MTX2: variants seen among roughly 807,000 people sequenced by gnomAD.
The protein encoded by MTX2 is metaxin 2.
A neutral mutation model predicts 42.3 loss-of-function variants in MTX2; 35 were observed. The ratio of observed to expected loss-of-function variants is 0.83; its 90% CI spans 0.63 to 1.10. The LOEUF (loss-of-function observed/expected upper bound fraction) is 1.10, where lower values mean the gene tolerates loss of function less well. MTX2 is among the 50% of genes least tolerant of loss of function. MTX2 has a pLI of 0.00. For synonymous variants in MTX2, 119 were observed against 100.9 expected (o/e 1.18, Z -1.08); for missense variants, 307 against 304.1 (o/e 1.01, Z -0.07).
intron 3 of MTX2, among the ~76,000 whole-genome samples, chr2:176,322,973 T>C (rs1684620163): frequency 6.6e-6 from 1 of 151,840 alleles, no homozygotes; most frequent in Admixed American, 6.6e-5. Flanking sequence ...TTTTGAGTTT[T>C]CCTCTAAAAT....
chr2:176,294,364 A>G (rs1320284864), intron 1 of MTX2, among the ~76,000 whole-genome samples: 1 of 148,560 alleles, frequency 6.7e-6, no homozygotes, highest in Non-Finnish European at 1.5e-5. Context: ...GGCTCACAGC[A>G]ACCTCTGCCT....
At chr2:176,312,306 T>C (rs1433387669) in intron 3 of MTX2, among the ~76,000 whole-genome samples, 1 of 152,112 alleles carries the variant, frequency 6.6e-6, no homozygotes, top group Non-Finnish European at 1.5e-5. Flanking sequence ...AAGCAAATGT[T>C]TATTGAGACT....
chr2:176,283,591 T>G (rs1575034567), intron 1 of MTX2, among the ~76,000 whole-genome samples: 1 of 151,930 alleles, frequency 6.6e-6, no homozygotes, highest in African/African-American at 2.4e-5. Flanking sequence ...AGGAATAGAG[T>G]TTTTTGGTTA....
Position 176,273,823 on chromosome 2 carries a change from C to T in MTX2, c.40+4154C>T, listed in dbSNP as rs529572957. Among the ~76,000 whole-genome samples, 4 of 152,104 alleles carry T rather than the reference C, an allele frequency of 2.6e-5. No homozygotes were observed. In the South Asian group the frequency reaches 8.3e-4, roughly 32 times the overall value. ...CATAGTAGTCTCTGAATTGATTTCTCTGCTTCCAGTCTGGCTTCCTTCCAG... is the reference window on the plus strand; with the variant it reads ...CATAGTAGTCTCTGAATTGATTTCTTTGCTTCCAGTCTGGCTTCCTTCCAG... On this transcript the variant is annotated intron_variant, in intron 1 of 9. Coordinates refer to ENST00000249442, the MANE Select transcript of MTX2 (RefSeq NM_006554.5).
intron 1 of MTX2, among the ~76,000 whole-genome samples, chr2:176,287,897 C>CT (rs35080426): frequency 0.031 from 4,317 of 140,204 alleles, 69 homozygotes; most frequent in Non-Finnish European, 0.036. Flanking sequence ...ATACTGACTG[C>CT]TTTTTTTTTT....
chr2:176,322,302 A>G (rs1257549629), intron 3 of MTX2, among the ~76,000 whole-genome samples: 3 of 152,274 alleles, frequency 2.0e-5, no homozygotes, highest in East Asian at 3.9e-4. Context: ...AGGAATTATA[A>G]TAAACCTATG....
chr2:176,331,723 A>G (rs1684868967), intron 9 of MTX2, among the ~76,000 whole-genome samples: 1 of 151,172 alleles, frequency 6.6e-6, no homozygotes, highest in Non-Finnish European at 1.5e-5. Flanking sequence ...GTTTCTAGTG[A>G]TGTTTGCTCT....
At chr2:176,290,091 A>G (rs544766707) in intron 1 of MTX2, among the ~76,000 whole-genome samples, 21 of 152,276 alleles carry the variant, frequency 1.4e-4, no homozygotes, top group African/African-American at 4.8e-4. Context: ...GCTTAGTCCT[A>G]AAAGCCTTTT....
intron 1 of MTX2, chr2:176,270,092 A>G (rs564043613): frequency 6.8e-5 from 21 of 309,398 alleles, no homozygotes; most frequent in East Asian, 5.2e-4. Context: ...GTTGTTACCT[A>G]TTGTTGAGGG....
chr2:176,294,278 CTTTTTTTTTT>C (rs750682515), intron 1 of MTX2, among the ~76,000 whole-genome samples: 1 of 125,320 alleles, frequency 8.0e-6, no homozygotes, highest in Non-Finnish European at 1.7e-5. Flanking sequence ...GATGAATTAA[CTTTTTTTTTT>C]TTTTTTTTTT....
intron 1 of MTX2, among the ~76,000 whole-genome samples, chr2:176,272,740 A>G (rs1216693172): frequency 6.6e-6 from 1 of 152,150 alleles, no homozygotes; most frequent in African/African-American, 2.4e-5. Context: ...AGAATATTCA[A>G]CTAATTGTAA....
chr2:176,331,480 G>A (rs781697040), intron 9 of MTX2, among the ~76,000 whole-genome samples: 22 of 150,964 alleles, frequency 1.5e-4, no homozygotes, highest in African/African-American at 2.4e-4. Flanking sequence ...ATCGTCATAA[G>A]CATTCCTCTT....
At chr2:176,336,743 A>G (rs537140605) in intron 9 of MTX2, among the ~76,000 whole-genome samples, 2 of 152,068 alleles carry the variant, frequency 1.3e-5, no homozygotes, top group South Asian at 2.1e-4. Flanking sequence ...AGCAAATCAT[A>G]TTTTTTTTCC....
At chr2:176,333,723 C>T (rs1278234648) in intron 9 of MTX2, among the ~76,000 whole-genome samples, 1 of 151,580 alleles carries the variant, frequency 6.6e-6, no homozygotes, top group East Asian at 1.9e-4. Flanking sequence ...TATATTTTTA[C>T]TTACCTTTTC....
chr2:176,317,193 G>A (rs1222197714), intron 3 of MTX2, among the ~76,000 whole-genome samples: 5 of 151,754 alleles, frequency 3.3e-5, no homozygotes, highest in East Asian at 1.9e-4. Context: ...TGTACCAGGC[G>A]CATAACTTCT....
chr2:176,337,773 C>A lies in MTX2; in HGVS notation c.*109C>A. 1.0e-6 allele frequency: 1 copy of A among 958,664 alleles called. No individual in the cohort carries two copies. The highest frequency in any genetic ancestry group is 1.5e-6 in the Non-Finnish European group (1 of 654,056). The allele number at this position is 958,664 out of a possible 1,614,324, so 59.4% of individuals were successfully genotyped here. Reference sequence around the variant, plus strand: ...AAACCAAATTACTGCTTTTTGAAACCTCAAATTATATAATGTATCTTATGT... The same window carrying A: ...AAACCAAATTACTGCTTTTTGAAACATCAAATTATATAATGTATCTTATGT... On this transcript the variant is annotated 3_prime_UTR_variant, in exon 10 of 10. Transcript: ENST00000249442.
intron 9 of MTX2, among the ~76,000 whole-genome samples, chr2:176,333,609 G>T (rs1334472526): frequency 3.4e-5 from 5 of 148,530 alleles, no homozygotes; most frequent in Non-Finnish European, 4.4e-5. Context: ...CAAAAAATAT[G>T]CTTTAAAGGT....
intron 1 of MTX2, among the ~76,000 whole-genome samples, chr2:176,295,994 A>C (rs1683866752): frequency 6.6e-6 from 1 of 152,184 alleles, no homozygotes; most frequent in Admixed American, 6.5e-5. Context: ...GCTTTTACAA[A>C]GGAGAATCCA....
intron 3 of MTX2, among the ~76,000 whole-genome samples, chr2:176,306,981 C>T (rs528463858): frequency 1.3e-5 from 2 of 152,228 alleles, no homozygotes; most frequent in East Asian, 1.9e-4. Flanking sequence ...AAGTCCTTGC[C>T]CATGCCTGTG....
Sources: allele counts gnomAD v4.1 joint callset (sites outside exome capture counted in the v4.1 genomes callset), GRCh38; gene constraint gnomAD v4.1.1; transcripts MANE v1.5; gene names NCBI Gene and HGNC (gene_info 2026-07-23, HGNC 2026-07-21).